The following PPFIBP2 variants were observed in gnomAD, a reference collection of about 807,000 sequenced individuals.
PPFIBP2 encodes the protein liprin-beta-2.
A neutral mutation model predicts 118.3 loss-of-function variants in PPFIBP2; 118 were observed. The observed-to-expected ratio is 1.00, with a 90% CI of 0.86 to 1.16. The LOEUF (loss-of-function observed/expected upper bound fraction) is 1.16. PPFIBP2 is among the 50% of genes most tolerant of loss of function. PPFIBP2 has a pLI of 0.00. For missense variants in PPFIBP2, 1,195 were observed against 1,073.1 expected, an observed-to-expected ratio of 1.11 and a Z score of -1.59; for synonymous variants, 414 against 397.4, an observed-to-expected ratio of 1.04 and a Z score of -0.50.
chr11:7,599,197 G>A (rs1411265763), intron 5 of PPFIBP2, among the ~76,000 whole-genome samples: 2 of 151,748 alleles, frequency 1.3e-5, no homozygotes, highest in African/African-American at 4.8e-5. Context: ...TTCACAAAGA[G>A]TGCAGAAAAC....
At chr11:7,590,994 C>CT (rs111722551) in intron 3 of PPFIBP2, among the ~76,000 whole-genome samples, 1,738 of 152,298 alleles carry the variant, frequency 0.011, 46 homozygotes, top group African/African-American at 0.04. Flanking sequence ...TTGTGCCTCT[C>CT]TTTTTTTACT....
At chr11:7,593,667 G>T (rs1859765448) in intron 4 of PPFIBP2, among the ~76,000 whole-genome samples, 1 of 152,226 alleles carries the variant, frequency 6.6e-6, no homozygotes, top group Admixed American at 6.5e-5. Flanking sequence ...TCTGAAGCTG[G>T]ATCTAGACTG....
chr11:7,542,805 T>G (rs1423427616), intron 1 of PPFIBP2, among the ~76,000 whole-genome samples: 1 of 152,220 alleles, frequency 6.6e-6, no homozygotes, highest in Non-Finnish European at 1.5e-5. Flanking sequence ...CTTGTGTCCT[T>G]TTGAGTTTAT....
At chr11:7,657,576 G>A (rs552201318), downstream of PPFIBP2, among the ~76,000 whole-genome samples, 2 of 152,132 alleles carry the variant, frequency 1.3e-5, no homozygotes, top group Admixed American at 6.5e-5. Flanking sequence ...CTCAAGCTCC[G>A]TGTTTCCACC....
chr11:7,653,266 CTGTG>C lies in PPFIBP2; in HGVS notation c.*54_*57del. On this transcript the variant is annotated 3_prime_UTR_variant, in exon 24 of 24. Transcript: ENST00000299492. ...TGCACCCTGAGAGCTCACAGTAACACTGTGTGTGTCACCATATAACTGCACCTCA... is the reference window on the plus strand; with the variant it reads ...TGCACCCTGAGAGCTCACAGTAACACTGTGTCACCATATAACTGCACCTCA... 2 of 1,609,894 alleles carry C rather than the reference CTGTG, an allele frequency of 1.2e-6. No individual in the cohort carries two copies. The highest frequency in any genetic ancestry group is 1.7e-6 in the Non-Finnish European group (2 of 1,178,670).
chr11:7,631,066 G>A (rs772135218), intron 11 of PPFIBP2, 38 bp downstream of exon 11: 1 of 1,527,418 alleles, frequency 6.5e-7, no homozygotes, highest in Non-Finnish European at 9.1e-7. Flanking sequence ...GTTTCAGCAG[G>A]TCCTCCGAGC....
At chr11:7,550,700 C>T (rs1852873617) in intron 2 of PPFIBP2, among the ~76,000 whole-genome samples, 1 of 152,112 alleles carries the variant, frequency 6.6e-6, no homozygotes, top group African/African-American at 2.4e-5. Context: ...AGTATTGATC[C>T]CGGGTGTGTC....
In PPFIBP2 at chr11:7,648,765, A is replaced by G. The variant is rs756684549; in HGVS notation, c.1798-35A>G. ...TCTCTGAGGGCCAAATTGCCTGCCA[A>G]AATTTCACATGTGGTCTTCATCTTT... On this transcript the variant is annotated intron_variant, in intron 18 of 23. Coordinates refer to ENST00000299492, the MANE Select transcript of PPFIBP2 (RefSeq NM_003621.5). 13 of 1,602,762 alleles carry G rather than the reference A, an allele frequency of 8.1e-6. No individual in the cohort carries two copies. In the East Asian group the frequency reaches 2.5e-4, roughly 30 times the overall value.
chr11:7,649,887 A>C (rs1383844988), intron 21 of PPFIBP2, among the ~76,000 whole-genome samples: 1 of 152,168 alleles, frequency 6.6e-6, no homozygotes, highest in Non-Finnish European at 1.5e-5. Flanking sequence ...GACACATGCT[A>C]TAAAGTCATC....
chr11:7,593,011 T>C, intron 3 of PPFIBP2, 121 bp from the exon 4 acceptor site: 1 of 1,390,132 alleles, frequency 7.2e-7, no homozygotes, highest in Non-Finnish European at 9.6e-7. Context: ...GATGATTGGT[T>C]TTGTACATAT....
At position 7,616,790 on chromosome 11, in the gene PPFIBP2, C is replaced by T. The variant is rs1411884938; in HGVS notation, c.619-4145C>T. Among the ~76,000 whole-genome samples, 3 of 151,590 alleles carry T rather than the reference C, an allele frequency of 2.0e-5. No homozygotes were observed. Among genetic ancestry groups the T allele is most frequent in the East Asian group, 3.9e-4 (2 of 5,126 alleles). On this transcript the variant is annotated intron_variant, in intron 6 of 23. Transcript: ENST00000299492. This position sits in a 1 kb window ranked among gnomAD's most constrained non-coding sequence, Gnocchi z 5.2. Reference sequence around the variant, plus strand: ...TTTGTGTGTGTGCCCCAGTGTGCACCCATCTCTGCTATTGCTTCTGCTTGG... The same window carrying T: ...TTTGTGTGTGTGCCCCAGTGTGCACTCATCTCTGCTATTGCTTCTGCTTGG...
chr11:7,597,061 T>G (rs1405483543), intron 4 of PPFIBP2: 1 of 977,738 alleles, frequency 1.0e-6, no homozygotes, highest in Non-Finnish European at 1.4e-6. Flanking sequence ...ACATGCCCTT[T>G]ACAGCCCACA....
chr11:7,600,936 A>C (rs1861317072), intron 5 of PPFIBP2, among the ~76,000 whole-genome samples: 1 of 152,242 alleles, frequency 6.6e-6, no homozygotes, highest in African/African-American at 2.4e-5. Context: ...CTATAGGTCA[A>C]GCCTGGCCTG....
At chr11:7,618,623 A>G (rs1848967367) in intron 6 of PPFIBP2, among the ~76,000 whole-genome samples, 1 of 152,252 alleles carries the variant, frequency 6.6e-6, no homozygotes, top group South Asian at 2.1e-4. Flanking sequence ...CTGCAAGTCA[A>G]AGCAGGTATC....
chr11:7,624,127 G>A (rs1361739406), intron 7 of PPFIBP2, among the ~76,000 whole-genome samples: 3 of 152,156 alleles, frequency 2.0e-5, no homozygotes, highest in Non-Finnish European at 2.9e-5. Flanking sequence ...AAACCCTTGC[G>A]GTGGGCTGAG....
intron 3 of PPFIBP2, among the ~76,000 whole-genome samples, chr11:7,568,090 A>T (rs1855214883): frequency 6.6e-6 from 1 of 152,188 alleles, no homozygotes; most frequent in South Asian, 2.1e-4. Context: ...CTGTAGACAC[A>T]TTGGCATTGT....
downstream of PPFIBP2, among the ~76,000 whole-genome samples, chr11:7,658,189 A>C (rs1173454698): frequency 6.6e-6 from 1 of 151,668 alleles, no homozygotes; most frequent in Non-Finnish European, 1.5e-5. Flanking sequence ...GTACATGTGC[A>C]CATTGTGCAG....
At chr11:7,666,460 G>T in the PPFIBP2 span, 1 of 1,609,908 alleles carries the variant, frequency 6.2e-7, no homozygotes. Context: ...CCAATGGGAG[G>T]CCTGTCCAGG....
chr11:7,629,059 C>T (rs764700267), intron 9 of PPFIBP2, among the ~76,000 whole-genome samples: 29 of 152,186 alleles, frequency 1.9e-4, no homozygotes, highest in Non-Finnish European at 3.4e-4. Context: ...ATCTCAGACT[C>T]CTAGGGAACA....
Sources: gnomAD v4.1 joint callset for allele counts (sites outside exome capture counted in the v4.1 genomes callset) on GRCh38, gnomAD v4.1.1 for gene constraint, Gnocchi (gnomAD v3.1) non-coding constraint, MANE v1.5 for transcripts, NCBI Gene and HGNC (gene_info 2026-07-23, HGNC 2026-07-21) for gene names.